The following DNAJC17 variants were observed in gnomAD, a reference collection of about 807,000 sequenced individuals.
DNAJC17 encodes the protein DnaJ heat shock protein family (Hsp40) member C17.
A neutral mutation model predicts 48.1 loss-of-function variants in DNAJC17; 35 were observed. That is an observed-to-expected ratio of 0.73 (90% CI 0.56 to 0.96). DNAJC17 has a LOEUF of 0.96. DNAJC17 is among the 50% of genes least tolerant of loss of function. The pLI, the probability that DNAJC17 is intolerant of heterozygous loss-of-function variation, is 0.00. For missense variants in DNAJC17, 355 were observed against 377.1 expected (o/e 0.94, Z 0.48); for synonymous variants, 117 against 142.7 (o/e 0.82, Z 1.28).
Position 40,767,304 on chromosome 15 carries a change from G to A in DNAJC17, c.*636C>T, listed in dbSNP as rs1322439918. ...GCAGGGGCTTCCGTGTGCTGAGCAT[G>A]ACGGGGGTGGGCCAGACGCTGGTGT... On this transcript the variant is annotated 3_prime_UTR_variant, in exon 11 of 11. Transcript: ENST00000220496. The A allele has an allele frequency of 6.2e-7, 1 of 1,604,408 alleles. No individual in the cohort carries two copies. The highest frequency in any genetic ancestry group is 1.3e-5 in the African/African-American group (1 of 74,256).
chr15:40,804,688 T>C (rs1890156249), intron 1 of DNAJC17, among the ~76,000 whole-genome samples: 1 of 152,234 alleles, frequency 6.6e-6, no homozygotes, highest in South Asian at 2.1e-4. Context: ...CCTCAGGAGT[T>C]CTCAACTTCA....
intron 6 of DNAJC17, 35 bp downstream of exon 6, chr15:40,776,161 T>A (rs773652605): frequency 6.2e-7 from 1 of 1,604,206 alleles, no homozygotes; most frequent in East Asian, 2.2e-5. Context: ...TGGAGCTACC[T>A]TGGAGGGGAG....
At chr15:40,791,592 C>G (rs1889808341) in intron 1 of DNAJC17, among the ~76,000 whole-genome samples, 1 of 152,066 alleles carries the variant, frequency 6.6e-6, no homozygotes, top group African/African-American at 2.4e-5. Context: ...CACCTGTAAT[C>G]CCAGCACTTT....
At chr15:40,802,968 C>T (rs533731746) in intron 1 of DNAJC17, among the ~76,000 whole-genome samples, 12 of 152,016 alleles carry the variant, frequency 7.9e-5, no homozygotes, top group Admixed American at 1.3e-4. Context: ...CCAGGCATGG[C>T]GGTGCACACC....
chr15:40,788,453 T>C (rs1566827135), intron 1 of DNAJC17, among the ~76,000 whole-genome samples: 1 of 152,096 alleles, frequency 6.6e-6, no homozygotes, highest in Non-Finnish European at 1.5e-5. Flanking sequence ...TCCCAGCACT[T>C]TGGGAGGCCG....
At chr15:40,776,401 C>A in intron 5 of DNAJC17, 109 bp from the exon 6 acceptor site, 1 of 1,464,752 alleles carries the variant, frequency 6.8e-7, no homozygotes, top group Non-Finnish European at 9.5e-7. Flanking sequence ...GGCTCAGCAA[C>A]CTGTGGGTGG....
intron 1 of DNAJC17, among the ~76,000 whole-genome samples, chr15:40,791,878 C>T (rs1051550890): frequency 5.9e-5 from 9 of 152,112 alleles, no homozygotes; most frequent in African/African-American, 1.7e-4. Context: ...CAAACAGGCT[C>T]AGTACCCAAC....
Position 40,767,204 on chromosome 15 carries a change from C to A in DNAJC17, c.*736G>T, listed in dbSNP as rs766571674. On this transcript the variant is annotated 3_prime_UTR_variant, in exon 11 of 11. Coordinates refer to ENST00000220496, the MANE Select transcript of DNAJC17 (RefSeq NM_018163.3). ...GCTTGCTGTGTGCCCCTCCTCACCC[C>A]CCCCATCCTGTCTCTTTGCAGTTAT... The A allele has an allele frequency of 1.3e-5, 20 of 1,483,814 alleles. No individual in the cohort carries two copies. In the Admixed American group the frequency reaches 4.7e-4, roughly 35 times the overall value. 91.9% of individuals were successfully genotyped at this position (1,483,814 alleles called of 1,614,324 possible).
At chr15:40,794,794 T>C (rs1205001335) in intron 1 of DNAJC17, among the ~76,000 whole-genome samples, 2 of 152,170 alleles carry the variant, frequency 1.3e-5, no homozygotes, top group African/African-American at 4.8e-5. Context: ...CTCGGCTCAC[T>C]GAAACCTCTG....
intron 1 of DNAJC17, among the ~76,000 whole-genome samples, chr15:40,802,106 GT>G (rs1890090933): frequency 6.6e-6 from 1 of 152,080 alleles, no homozygotes; most frequent in African/African-American, 2.4e-5. Flanking sequence ...ATGGATGGTG[GT>G]GCCACAAGAT....
intron 10 of DNAJC17, among the ~76,000 whole-genome samples, chr15:40,768,761 G>A (rs894110485): frequency 4.6e-5 from 7 of 152,220 alleles, no homozygotes; most frequent in African/African-American, 1.7e-4. Context: ...GCCAACCCAC[G>A]CCCTGATAAG....
intron 1 of DNAJC17, among the ~76,000 whole-genome samples, chr15:40,784,468 T>C (rs1889589729): frequency 6.6e-6 from 1 of 152,220 alleles, no homozygotes; most frequent in South Asian, 2.1e-4. Flanking sequence ...GCTTTACATA[T>C]ATTAACTTAT....
intron 1 of DNAJC17, among the ~76,000 whole-genome samples, chr15:40,794,781 G>A (rs943981451): frequency 2.0e-5 from 3 of 152,096 alleles, no homozygotes; most frequent in African/African-American, 4.8e-5. Context: ...GCAGTGGCAC[G>A]ATCTCGGCTC....
chr15:40,800,838 A>G (rs560555735), intron 1 of DNAJC17, among the ~76,000 whole-genome samples: 1 of 152,204 alleles, frequency 6.6e-6, no homozygotes, highest in East Asian at 1.9e-4. Context: ...AGGAGCCTGT[A>G]ATCTCGGCTA....
Position 40,765,761 on chromosome 15 carries a change from G to C in DNAJC17, c.*2179C>G, listed in dbSNP as rs1888933243. On this transcript the variant is annotated 3_prime_UTR_variant, in exon 11 of 11. Coordinates refer to ENST00000220496, the MANE Select transcript of DNAJC17 (RefSeq NM_018163.3). ...TCAGGGCTAGCAGGCAGGGGAGGAA[G>C]GACAGGCAAGACCTTCCACCTCCTC... 1.4e-6 allele frequency: 1 copy of C among 717,510 alleles called. No individual in the cohort carries two copies. Among genetic ancestry groups the C allele is most frequent in the East Asian group, 2.9e-5 (1 of 34,172 alleles). The allele number at this position is 717,510 out of a possible 1,614,324, so 44.4% of individuals were successfully genotyped here. A position where few individuals can be genotyped will look rare whatever the true frequency, so the allele number is the denominator to read the frequency against.
chr15:40,767,620 C>G lies in DNAJC17; in HGVS notation c.*320G>C. On this transcript the variant is annotated 3_prime_UTR_variant, in exon 11 of 11. Coordinates refer to ENST00000220496, the MANE Select transcript of DNAJC17 (RefSeq NM_018163.3). ...TGTGTAGGCCATGTTCCTCGGGCAG[C>G]TGCCCCGGGCCGGAGCTGGGCACTC... 1.7e-6 allele frequency: 1 copy of G among 580,636 alleles called. No homozygotes were observed. The highest frequency in any genetic ancestry group is 2.9e-6 in the Non-Finnish European group (1 of 343,416). The allele number at this position is 580,636 out of a possible 1,614,324, so 36.0% of individuals were successfully genotyped here.
chr15:40,802,535 T>C (rs1890101500), intron 1 of DNAJC17, among the ~76,000 whole-genome samples: 1 of 152,116 alleles, frequency 6.6e-6, no homozygotes, highest in Non-Finnish European at 1.5e-5. Flanking sequence ...AACAGGCAGA[T>C]AGATACACAG....
rs1889412104 is a variant in DNAJC17, at chr15:40,779,252, A to T, written c.266T>A (p.Leu89His). 1 of 1,614,046 alleles carries T rather than the reference A, an allele frequency of 6.2e-7. No homozygotes were observed. Among genetic ancestry groups the T allele is most frequent in the Non-Finnish European group, 8.5e-7 (1 of 1,180,006 alleles). Residue 89 changes from leucine to histidine, a missense_variant, in exon 4 of 11, where the codon CTT (leucine) becomes CAT (histidine). Physicochemically the swap from Leu to His is moderately conservative, Grantham distance 99 (BLOSUM62 -3). This residue lies in a region of DNAJC17 where 199 missense variants were observed against 199.9 expected (regional missense o/e 1.00). Coordinates refer to ENST00000220496, the MANE Select transcript of DNAJC17 (RefSeq NM_018163.3). Reference protein sequence around the residue: ...KKQAAERTQKLDEKRKKVKLD... With the variant: ...KKQAAERTQKHDEKRKKVKLD... ...CTTCACTTTCTTCCTTTTCTCATCA[A>T]GTTTCTGGGTCCTCTCTGCTGCTTG...
intron 1 of DNAJC17, among the ~76,000 whole-genome samples, chr15:40,791,715 C>A (rs1162725538): frequency 6.6e-6 from 1 of 150,392 alleles, no homozygotes; most frequent in Admixed American, 6.7e-5. Flanking sequence ...TGTGGTGGCA[C>A]GCGCCTGTAA....
Sources: allele counts gnomAD v4.1 joint callset (sites outside exome capture counted in the v4.1 genomes callset), GRCh38; gene constraint gnomAD v4.1.1; regional missense constraint gnomAD v4.1.1; transcripts MANE v1.5; gene names NCBI Gene and HGNC (gene_info 2026-07-23, HGNC 2026-07-21).